The following CADM2 variants were observed in gnomAD, a reference collection of about 807,000 sequenced individuals.
CADM2 encodes immunoglobulin superfamily member 4D.
A neutral mutation model predicts 49.8 loss-of-function variants in CADM2; 12 were observed. The observed-to-expected ratio is 0.24, with a 90% CI of 0.15 to 0.39. The LOEUF (loss-of-function observed/expected upper bound fraction) is 0.39, where lower values mean the gene tolerates loss of function less well. Among genes scored for constraint, CADM2 ranks in the 10% least tolerant of loss-of-function variants. The probability of loss-of-function intolerance (pLI) is 1.00; values close to 1 mark genes in which losing one functional copy is unlikely to be tolerated. For synonymous variants in CADM2, 214 were observed against 175.4 expected, an observed-to-expected ratio of 1.22 and a Z score of -1.74; for missense variants, 378 against 492.3, an observed-to-expected ratio of 0.77 and a Z score of 2.20.
chr3:85,030,326 T>C (rs560648919), intron 1 of CADM2, among the ~76,000 whole-genome samples: 2 of 152,350 alleles, frequency 1.3e-5, no homozygotes, highest in East Asian at 3.9e-4. Flanking sequence ...TTTTCATTTA[T>C]ATGCTCTGTT....
At chr3:85,389,569 A>C (rs1427095089) in intron 1 of CADM2, among the ~76,000 whole-genome samples, 2 of 152,090 alleles carry the variant, frequency 1.3e-5, no homozygotes, top group Non-Finnish European at 2.9e-5. Context: ...ATTCAAATTC[A>C]AGTCCCAATC....
chr3:85,700,166 T>G (rs905500652), intron 1 of CADM2, among the ~76,000 whole-genome samples: 4 of 152,172 alleles, frequency 2.6e-5, no homozygotes, highest in African/African-American at 9.7e-5. Context: ...TAAAAAAGAA[T>G]GAGTTCATTT....
chr3:86,042,114 C>T (rs1736021246), intron 8 of CADM2, among the ~76,000 whole-genome samples: 2 of 152,118 alleles, frequency 1.3e-5, no homozygotes, highest in Non-Finnish European at 2.9e-5. Flanking sequence ...TAAATGCCCA[C>T]AGGAGAAAGC....
intron 1 of CADM2, among the ~76,000 whole-genome samples, chr3:85,402,910 T>G (rs569630984): frequency 6.6e-6 from 1 of 152,162 alleles, no homozygotes; most frequent in African/African-American, 2.4e-5. Context: ...TCTTGTGTGA[T>G]GTTAATATAG....
intron 1 of CADM2, among the ~76,000 whole-genome samples, chr3:85,133,322 G>C (rs535421929): frequency 6.6e-6 from 1 of 152,316 alleles, no homozygotes; most frequent in East Asian, 1.9e-4. Context: ...GATTGGTAGA[G>C]CCCAGTGGTC....
chr3:85,243,747 A>G (rs1471087133), intron 1 of CADM2, among the ~76,000 whole-genome samples: 1 of 152,076 alleles, frequency 6.6e-6, no homozygotes, highest in Non-Finnish European at 1.5e-5. Context: ...TAACATTTCT[A>G]GCTTTATTCG....
In CADM2 at chr3:85,389,957, A is replaced by G. The variant is rs538687603; in HGVS notation, c.62-336565A>G. Among the ~76,000 whole-genome samples the G allele has an allele frequency of 8.5e-5, 13 of 152,254 alleles. No homozygotes were observed. In the East Asian group the frequency reaches 2.3e-3, roughly 27 times the overall value. ...GTTAAAAATGTATGCATATTTTACA[A>G]TTCTTGTAGAGTAAAAGAACAAGTC... On this transcript the variant is annotated intron_variant, in intron 1 of 9. Transcript: ENST00000383699.
chr3:85,554,934 A>G (rs1487084086), intron 1 of CADM2, among the ~76,000 whole-genome samples: 1 of 147,574 alleles, frequency 6.8e-6, no homozygotes, highest in South Asian at 2.1e-4. Flanking sequence ...AGGGCTGGTC[A>G]TGAACTCCCA....
At chr3:85,345,529 A>G (rs2030540326) in intron 1 of CADM2, among the ~76,000 whole-genome samples, 1 of 152,054 alleles carries the variant, frequency 6.6e-6, no homozygotes, top group Admixed American at 6.6e-5. Context: ...AAAATTCTTA[A>G]CCTGATTTCA....
chr3:85,998,858 A>G (rs1729762809), intron 8 of CADM2, among the ~76,000 whole-genome samples: 1 of 152,188 alleles, frequency 6.6e-6, no homozygotes, highest in Non-Finnish European at 1.5e-5. Flanking sequence ...TTGTTCCAAG[A>G]TATTATTTGG....
At chr3:85,819,542 C>G (rs1403061830) in intron 3 of CADM2, among the ~76,000 whole-genome samples, 1 of 152,084 alleles carries the variant, frequency 6.6e-6, no homozygotes, top group Non-Finnish European at 1.5e-5. Context: ...AGTAGTCATG[C>G]AATTGATTAC....
chr3:85,966,118 C>G (rs1195513549), intron 8 of CADM2, among the ~76,000 whole-genome samples: 1 of 151,684 alleles, frequency 6.6e-6, no homozygotes, highest in Non-Finnish European at 1.5e-5. Context: ...TGCTGCAACT[C>G]TTTAATATCA....
In CADM2 at chr3:84,959,621, G is replaced by T; in HGVS notation, c.14G>T (p.Arg5Leu). MIWKRSAVLRFYSVC... is the reference protein window; with the variant it reads MIWKLSAVLRFYSVC... ...AGAGAAGGGACCATGATTTGGAAAC[G>T]CAGCGCCGTTCTCCGCTTCTACAGT... Residue 5 changes from arginine to leucine, a missense_variant, in exon 1 of 10, where the codon CGC (arginine) becomes CTC (leucine). Transcript: ENST00000383699. 6.5e-7 allele frequency: 1 copy of T among 1,537,104 alleles called. No homozygotes were observed. The highest frequency in any genetic ancestry group is 8.7e-7 in the Non-Finnish European group (1 of 1,146,886).
At chr3:85,756,922 A>G (rs2069149912) in intron 2 of CADM2, among the ~76,000 whole-genome samples, 1 of 152,182 alleles carries the variant, frequency 6.6e-6, no homozygotes. Flanking sequence ...TGCACAGTAG[A>G]AGGAGTGAAA....
At chr3:85,188,315 T>G (rs1449524646) in intron 1 of CADM2, among the ~76,000 whole-genome samples, 15 of 152,054 alleles carry the variant, frequency 9.9e-5, no homozygotes, top group Non-Finnish European at 2.9e-5. Flanking sequence ...TTTTCAGAAG[T>G]GTGTATATGT....
intron 8 of CADM2, among the ~76,000 whole-genome samples, chr3:85,974,835 G>A (rs949275374): frequency 6.6e-6 from 1 of 151,494 alleles, no homozygotes; most frequent in Non-Finnish European, 1.5e-5. Context: ...GTCTGTTATT[G>A]AAATACCCCA....
chr3:85,016,807 AG>A (rs2034268672), intron 1 of CADM2, among the ~76,000 whole-genome samples: 2 of 152,098 alleles, frequency 1.3e-5, no homozygotes, highest in Non-Finnish European at 2.9e-5. Context: ...AAAAATAAAA[AG>A]AAAAAGAAAA....
chr3:85,859,950 AT>A (rs1268300762), intron 3 of CADM2, among the ~76,000 whole-genome samples: 1 of 151,956 alleles, frequency 6.6e-6, no homozygotes, highest in Non-Finnish European at 1.5e-5. Flanking sequence ...TTGAAGTGAG[AT>A]TTTTTCCCAT....
intron 1 of CADM2, among the ~76,000 whole-genome samples, chr3:85,158,156 A>G (rs1232506215): frequency 1.3e-5 from 2 of 152,210 alleles, no homozygotes; most frequent in Non-Finnish European, 2.9e-5. Context: ...ATCTCACACC[A>G]GTTAGAATGG....
Sources: gnomAD v4.1 joint callset for allele counts (sites outside exome capture counted in the v4.1 genomes callset) on GRCh38, gnomAD v4.1.1 for gene constraint, MANE v1.5 for transcripts, NCBI Gene and HGNC (gene_info 2026-07-23, HGNC 2026-07-21) for gene names.